Variants in FREM3 observed in about 807,000 individuals in gnomAD.
FREM3 encodes the protein FRAS1-related extracellular matrix protein 3.
Under a neutral mutation model 129.1 loss-of-function variants are expected in FREM3, and 105 were observed. That is an observed-to-expected ratio of 0.81 (90% confidence interval 0.69 to 0.96). FREM3 has a LOEUF of 0.96. Among genes scored for constraint, FREM3 ranks in the 40% least tolerant of loss-of-function variants. FREM3 has a pLI of 0.00. For missense variants in FREM3, 2,593 were observed against 2,666.3 expected (o/e 0.97, Z 0.61); for synonymous variants, 1,014 against 1,044.9 (o/e 0.97, Z 0.57).
intron 2 of FREM3, among the ~76,000 whole-genome samples, chr4:143,687,750 A>G (rs966314666): frequency 6.6e-6 from 1 of 152,214 alleles, no homozygotes; most frequent in African/African-American, 2.4e-5. Flanking sequence ...AAACAGAATT[A>G]AAACAAAAAA....
At chr4:143,663,282 G>T (rs1375118553) in intron 2 of FREM3, among the ~76,000 whole-genome samples, 3 of 151,980 alleles carry the variant, frequency 2.0e-5, no homozygotes, top group African/African-American at 7.2e-5. Context: ...AGGCCTGGTG[G>T]TGACAAAATC....
chr4:143,627,032 T>G (rs527876290), intron 3 of FREM3, among the ~76,000 whole-genome samples: 47 of 152,290 alleles, frequency 3.1e-4, no homozygotes, highest in African/African-American at 1.1e-3. Context: ...CTGTTAATTG[T>G]TAATGATGAT....
chr4:143,699,213 G>T lies in FREM3; in HGVS notation c.1463C>A (p.Ala488Asp). Residue 488 changes from alanine to aspartate, a missense_variant, in exon 1 of 8, where the codon GCT becomes GAT. Transcript: ENST00000329798. The surrounding 1 kb of genome is among the most constrained non-coding windows in gnomAD (Gnocchi z 4.2). The part of the protein sequence containing the change: ...HGQLVVFGAP[A>D]GCKYFTPADL... ...CGCTGGTGTGAAATACTTGCACCCA[G>T]CAGGTGCCCCAAACACCACCAGCTG... The T allele has an allele frequency of 5.9e-6, 9 of 1,537,282 alleles. No homozygotes were observed. Among genetic ancestry groups the T allele is most frequent in the Non-Finnish European group, 7.8e-6 (9 of 1,146,926 alleles).
intron 6 of FREM3, among the ~76,000 whole-genome samples, chr4:143,609,558 G>A (rs1029013106): frequency 3.3e-5 from 5 of 152,060 alleles, no homozygotes; most frequent in African/African-American, 9.7e-5. Flanking sequence ...TTGGTCTGTA[G>A]CACTCGGTGT....
At chr4:143,661,491 C>T (rs908226591) in intron 2 of FREM3, among the ~76,000 whole-genome samples, 3 of 151,790 alleles carry the variant, frequency 2.0e-5, no homozygotes, top group Admixed American at 2.0e-4. Context: ...TTCTGTTTGC[C>T]AGTATTTTAT....
intron 7 of FREM3, among the ~76,000 whole-genome samples, chr4:143,578,745 G>A (rs1049382600): frequency 9.2e-5 from 14 of 152,212 alleles, no homozygotes; most frequent in African/African-American, 3.1e-4. Flanking sequence ...AAATTTGGAA[G>A]ACATTCTATA....
At chr4:143,673,053 C>T (rs982760400) in intron 2 of FREM3, among the ~76,000 whole-genome samples, 20 of 152,172 alleles carry the variant, frequency 1.3e-4, no homozygotes, top group Non-Finnish European at 2.1e-4. Flanking sequence ...TCCTTTAGCT[C>T]GGAGAAGTTT....
At position 143,586,070 on chromosome 4, in the gene FREM3, CT is replaced by C; in HGVS notation, c.6029-78del. The C allele has an allele frequency of 2.9e-6, 4 of 1,397,278 alleles. No individual in the cohort carries two copies. The South Asian group carries it at 3.9e-5, about 14-fold the overall frequency. The allele number at this position is 1,397,278 out of a possible 1,614,324, so 86.6% of individuals were successfully genotyped here. Reference sequence around the variant, plus strand: ...CTGTCTCCTTTGGCCCTGTGTGAGCCTGGGCATTTGTCATAATTGTCAGACA... The same window carrying C: ...CTGTCTCCTTTGGCCCTGTGTGAGCCGGGCATTTGTCATAATTGTCAGACA... On this transcript the variant is annotated intron_variant, in intron 6 of 7. Coordinates refer to ENST00000329798, the MANE Select transcript of FREM3 (RefSeq NM_001168235.2).
At chr4:143,693,228 A>C in intron 1 of FREM3, 26 bp from the exon 2 acceptor site, 1 of 1,262,134 alleles carries the variant, frequency 7.9e-7, no homozygotes, top group Non-Finnish European at 1.1e-6. Flanking sequence ...CCATCACACA[A>C]AGTCATATTG....
Position 143,698,050 on chromosome 4 carries a change from G to A in FREM3, c.2626C>T (p.His876Tyr), listed in dbSNP as rs1242487232. 5.9e-6 allele frequency: 9 copies of A among 1,537,182 alleles called. No homozygotes were observed. The highest frequency in any genetic ancestry group is 7.8e-6 in the Non-Finnish European group (9 of 1,146,934). ...FILVRGPQHG[H>Y]LQYFKRCMVP... Reference sequence around the variant, plus strand: ...ATACATCTTTTAAAGTACTGCAAGTGTCCATGTTGGGGACCCCGGACTAAT... The same window carrying A: ...ATACATCTTTTAAAGTACTGCAAGTATCCATGTTGGGGACCCCGGACTAAT... The change falls in exon 1 of 8, where the codon CAC becomes TAC. Residue 876 changes from histidine (H) to tyrosine (Y), a missense_variant. By Grantham distance (83) the His-to-Tyr change is moderately conservative. This residue lies in a region of FREM3 where 2,276 missense variants were observed against 2,267.2 expected (regional missense o/e 1.00). Coordinates refer to ENST00000329798, the MANE Select transcript of FREM3 (RefSeq NM_001168235.2).
At chr4:143,684,889 A>G (rs1370346814) in intron 2 of FREM3, among the ~76,000 whole-genome samples, 1 of 152,236 alleles carries the variant, frequency 6.6e-6, no homozygotes, top group Admixed American at 6.5e-5. Context: ...AACAGAATTG[A>G]ACAAGTAGAA....
chr4:143,623,813 T>A (rs979246586), intron 4 of FREM3, among the ~76,000 whole-genome samples: 1 of 152,164 alleles, frequency 6.6e-6, no homozygotes, highest in East Asian at 1.9e-4. Flanking sequence ...ATTAGCCATC[T>A]GGGAGCAGAG....
intron 2 of FREM3, among the ~76,000 whole-genome samples, chr4:143,648,928 A>G (rs1382544614): frequency 6.6e-6 from 1 of 152,078 alleles, no homozygotes; most frequent in Non-Finnish European, 1.5e-5. Context: ...CACCCAGCTA[A>G]TTAAAGCATT....
chr4:143,577,622 A>C lies in FREM3; in HGVS notation c.6409T>G (p.Ser2137Ala). ...ITDCKQSACS[S>A]FD ...CCTCTTAAAGTCTTTCAATCAAAGG[A>C]ACTACAAGCACTCTGCTTACAGTCC... The change falls in exon 8 of 8, where the codon TCC becomes GCC. Residue 2137 changes from serine to alanine, a missense_variant. By Grantham distance (99) the Ser-to-Ala change is moderately conservative. Around this residue, in one of 2 missense-constraint regions of FREM3, gnomAD observed 317 missense variants for 399.0 expected, o/e 0.79. Transcript: ENST00000329798. The C allele has an allele frequency of 1.3e-6, 2 of 1,536,940 alleles. No homozygotes were observed. Among genetic ancestry groups the C allele is most frequent in the Non-Finnish European group, 1.7e-6 (2 of 1,146,634 alleles).
Position 143,698,667 on chromosome 4 carries a change from A to G in FREM3, c.2009T>C (p.Val670Ala), listed in dbSNP as rs1292401917. 2.0e-5 allele frequency: 30 copies of G among 1,537,588 alleles called. No homozygotes were observed. The highest frequency in any genetic ancestry group is 2.6e-5 in the Non-Finnish European group (30 of 1,147,026). Reference sequence around the variant, plus strand: ...ATCCTGCACATGGAAAGCCAGCTGGACCATTACAGATTGAGGGCTGTGTGG... The same window carrying G: ...ATCCTGCACATGGAAAGCCAGCTGGGCCATTACAGATTGAGGGCTGTGTGG... The part of the protein sequence containing the change: ...LGPHSPQSVM[V>A]QLAFHVQDDH... Residue 670 changes from valine (V) to alanine (A), a missense_variant, in exon 1 of 8, where the codon GTC becomes GCC. Transcript: ENST00000329798.
chr4:143,623,498 C>CT (rs1486056530), intron 4 of FREM3, among the ~76,000 whole-genome samples: 13 of 127,510 alleles, frequency 1.0e-4, no homozygotes, highest in African/African-American at 3.7e-4. Flanking sequence ...ACTAATCCCC[C>CT]CCCCCCCCCA....
intron 2 of FREM3, among the ~76,000 whole-genome samples, chr4:143,680,273 A>C (rs1330591085): frequency 6.6e-6 from 1 of 150,624 alleles, no homozygotes; most frequent in Admixed American, 6.6e-5. Context: ...ATATATATGG[A>C]ATATATATGC....
intron 2 of FREM3, among the ~76,000 whole-genome samples, chr4:143,653,929 A>AAAAAGAAGAATCTTT: frequency 6.6e-6 from 1 of 152,246 alleles, no homozygotes; most frequent in South Asian, 2.1e-4. Context: ...GATTACCAGA[A>AAAAAGAAGAATCTTT]TGAAACATGA....
intron 6 of FREM3, among the ~76,000 whole-genome samples, chr4:143,594,859 C>G (rs1329579546): frequency 1.3e-5 from 2 of 152,166 alleles, no homozygotes; most frequent in Non-Finnish European, 2.9e-5. Context: ...TCCAAGTACT[C>G]TTTACCTTAG....
Sources: gnomAD v4.1 joint callset for allele counts (sites outside exome capture counted in the v4.1 genomes callset) on GRCh38, gnomAD v4.1.1 for gene constraint, gnomAD v4.1.1 regional missense constraint, Gnocchi (gnomAD v3.1) non-coding constraint, MANE v1.5 for transcripts, NCBI Gene and HGNC (gene_info 2026-07-23, HGNC 2026-07-21) for gene names.